VGLL4: variants seen among roughly 807,000 people sequenced by gnomAD.
VGLL4 encodes the protein vestigial like family member 4.
VGLL4 carries 7 observed loss-of-function variants against 21.0 expected under a neutral mutation model. The ratio of observed to expected loss-of-function variants is 0.33; its 90% CI spans 0.19 to 0.63. The LOEUF is 0.63. Ranked by LOEUF, VGLL4 falls within the 20% of genes least tolerant of loss-of-function variation. VGLL4 has a pLI of 0.78. For synonymous variants in VGLL4, 222 were observed against 173.2 expected, an observed-to-expected ratio of 1.28 and a Z score of -2.21; for missense variants, 394 against 425.7, an observed-to-expected ratio of 0.93 and a Z score of 0.66.
chr3:11,621,716 G>A (rs1286205474), intron 1 of VGLL4, among the ~76,000 whole-genome samples: 2 of 152,126 alleles, frequency 1.3e-5, no homozygotes, highest in Non-Finnish European at 2.9e-5. Context: ...GTAACTCTAT[G>A]TTTAACATTT....
intron 1 of VGLL4, among the ~76,000 whole-genome samples, chr3:11,631,469 T>C (rs1005037085): frequency 1.2e-4 from 18 of 152,000 alleles, no homozygotes; most frequent in African/African-American, 4.4e-4. Flanking sequence ...AAAAATAAGG[T>C]TTGATAAGGA....
At chr3:11,631,932 G>A (rs1206886685) in intron 1 of VGLL4, among the ~76,000 whole-genome samples, 1 of 152,158 alleles carries the variant, frequency 6.6e-6, no homozygotes, top group Non-Finnish European at 1.5e-5. Flanking sequence ...CCCCCTCGGA[G>A]TGCTGTAGTG....
intron 2 of VGLL4, among the ~76,000 whole-genome samples, chr3:11,577,561 C>A (rs890944961): frequency 1.3e-5 from 2 of 152,182 alleles, no homozygotes; most frequent in Non-Finnish European, 1.5e-5. Context: ...CCACTGCACT[C>A]CAGTCTGAAC....
At chr3:11,563,473 T>C (rs1387517202) in intron 3 of VGLL4, among the ~76,000 whole-genome samples, 2 of 152,172 alleles carry the variant, frequency 1.3e-5, no homozygotes, top group Non-Finnish European at 2.9e-5. Context: ...AACAGCACAA[T>C]CCTCTCTTCT....
intron 2 of VGLL4, among the ~76,000 whole-genome samples, chr3:11,650,545 C>G (rs942246423): frequency 6.6e-6 from 1 of 152,176 alleles, no homozygotes; most frequent in Non-Finnish European, 1.5e-5. Flanking sequence ...AATGTTAAGT[C>G]TAACATAACA....
intron 2 of VGLL4, among the ~76,000 whole-genome samples, chr3:11,677,310 C>T (rs1374217004): frequency 6.6e-6 from 1 of 151,060 alleles, no homozygotes; most frequent in African/African-American, 2.4e-5. Context: ...CTCACGCTGT[C>T]GTCCAGGCTG....
At chr3:11,714,202 T>C (rs745449700) in intron 1 of VGLL4, among the ~76,000 whole-genome samples, 38 of 152,172 alleles carry the variant, frequency 2.5e-4, no homozygotes, top group Non-Finnish European at 4.7e-4. Flanking sequence ...CCCTATGCAA[T>C]GCTGCCTGAT....
intron 1 of VGLL4, among the ~76,000 whole-genome samples, chr3:11,632,681 C>G (rs143006721): frequency 6.6e-6 from 1 of 152,326 alleles, no homozygotes; most frequent in East Asian, 1.9e-4. Flanking sequence ...TATAGTCACT[C>G]TGAACAGTAA....
chr3:11,577,146 G>A (rs1252292805), intron 2 of VGLL4, among the ~76,000 whole-genome samples: 1 of 152,158 alleles, frequency 6.6e-6, no homozygotes, highest in Non-Finnish European at 1.5e-5. Flanking sequence ...CCTGGCCAGC[G>A]CCAACCCCCT....
At chr3:11,579,274 G>T (rs1012444989) in intron 2 of VGLL4, among the ~76,000 whole-genome samples, 1 of 145,218 alleles carries the variant, frequency 6.9e-6, no homozygotes, top group Non-Finnish European at 1.5e-5. Context: ...ATTACTTAAA[G>T]AAAAAATTAT....
chr3:11,695,024 T>C (rs1259423682), intron 2 of VGLL4, among the ~76,000 whole-genome samples: 1 of 152,114 alleles, frequency 6.6e-6, no homozygotes, highest in Admixed American at 6.6e-5. Context: ...ATAATCATAT[T>C]GTACTTACGT....
At chr3:11,614,509 T>C (rs1470035405) in intron 1 of VGLL4, among the ~76,000 whole-genome samples, 2 of 152,306 alleles carry the variant, frequency 1.3e-5, no homozygotes, top group East Asian at 3.9e-4. Flanking sequence ...CCGATTCTGA[T>C]CGTGAAATCT....
intron 2 of VGLL4, among the ~76,000 whole-genome samples, chr3:11,571,897 A>G (rs1387318872): frequency 2.6e-5 from 4 of 152,152 alleles, no homozygotes; most frequent in Non-Finnish European, 5.9e-5. Context: ...GCTTTAGCCT[A>G]GGAATTCAAG....
intron 1 of VGLL4, among the ~76,000 whole-genome samples, chr3:11,704,873 T>C (rs1251025952): frequency 6.6e-6 from 1 of 152,102 alleles, no homozygotes; most frequent in East Asian, 1.9e-4. Flanking sequence ...AGAAACAAAG[T>C]CCTACAGAAA....
chr3:11,656,074 G>T (rs1342980960), intron 2 of VGLL4, among the ~76,000 whole-genome samples: 1 of 152,206 alleles, frequency 6.6e-6, no homozygotes. Flanking sequence ...GCACAGCTTT[G>T]TGATGCTCTG....
At chr3:11,687,904 C>G (rs2076474791) in intron 2 of VGLL4, among the ~76,000 whole-genome samples, 1 of 152,060 alleles carries the variant, frequency 6.6e-6, no homozygotes, top group Admixed American at 6.6e-5. Context: ...ATCTGTTCCA[C>G]CATTAAACAT....
intron 3 of VGLL4, among the ~76,000 whole-genome samples, chr3:11,561,006 T>G (rs1265696099): frequency 6.6e-6 from 1 of 151,842 alleles, no homozygotes; most frequent in Admixed American, 6.6e-5. Context: ...GAGAGCAGAA[T>G]ACCGAGACCT....
intron 2 of VGLL4, among the ~76,000 whole-genome samples, chr3:11,598,041 T>TA (rs2074689737): frequency 6.9e-6 from 1 of 145,640 alleles, no homozygotes; most frequent in East Asian, 2.0e-4. Flanking sequence ...CTTTTTTTTT[T>TA]ATAAGACATC....
intron 2 of VGLL4, among the ~76,000 whole-genome samples, chr3:11,672,377 GT>G (rs5846721): frequency 0.87 from 132,296 of 152,012 alleles, 57,744 homozygotes; most frequent in African/African-American, 0.93. Context: ...TCTATTTAGT[GT>G]TTTTTTTTAA....
Sources: allele counts gnomAD v4.1 joint callset (sites outside exome capture counted in the v4.1 genomes callset), GRCh38; gene constraint gnomAD v4.1.1; transcripts MANE v1.5; gene names NCBI Gene and HGNC (gene_info 2026-07-23, HGNC 2026-07-21).